Variants in EDEM3 observed in about 807,000 individuals in gnomAD.
EDEM3 encodes ER degradation enhancing alpha-mannosidase like protein 3.
Under a neutral mutation model 110.2 loss-of-function variants are expected in EDEM3, and 60 were observed. That is an observed-to-expected ratio of 0.54 (90% CI 0.44 to 0.67). EDEM3 has a LOEUF of 0.67. Among genes scored for constraint, EDEM3 ranks in the 30% least tolerant of loss-of-function variants. The pLI is 0.00. For missense variants in EDEM3, 996 were observed against 1,121.0 expected, an observed-to-expected ratio of 0.89 and a Z score of 1.59; for synonymous variants, 352 against 382.9, an observed-to-expected ratio of 0.92 and a Z score of 0.94.
rs543884046 is a variant in EDEM3 at position 184,693,929 on chromosome 1, C to G, written c.*134G>C. 2.3e-4 allele frequency: 195 copies of G among 864,336 alleles called. 3 individuals are homozygous for G. The South Asian group carries it at 3.4e-3, about 15-fold the overall frequency. The allele number at this position is 864,336 out of a possible 1,614,324, so 53.5% of individuals were successfully genotyped here. Reference sequence around the variant, plus strand: ...GCTCCAGATTCCTACGATAACTACGCCAGTCAGAACGTGGTTGTTCATCAC... The same window carrying G: ...GCTCCAGATTCCTACGATAACTACGGCAGTCAGAACGTGGTTGTTCATCAC... On this transcript the variant is annotated 3_prime_UTR_variant, in exon 20 of 20. Coordinates refer to ENST00000318130, the MANE Select transcript of EDEM3 (RefSeq NM_025191.4).
At position 184,702,817 on chromosome 1, in the gene EDEM3, C is replaced by A; in HGVS notation, c.2383G>T (p.Asp795Tyr). The change falls in exon 19 of 20, where the codon GAT becomes TAT. Residue 795 changes from aspartate to tyrosine, a missense_variant. This residue lies in a region of EDEM3 where 345 missense variants were observed against 402.0 expected (regional missense o/e 0.86). Transcript: ENST00000318130. ...VEVLLSDKAK[D>Y]RDPEMENEEQ... ...AATGGTATTTTACTCTTACCTCGATCTTTTGCTTTATCAGAGAGGAGCACT... is the reference window on the plus strand; with the variant it reads ...AATGGTATTTTACTCTTACCTCGATATTTTGCTTTATCAGAGAGGAGCACT... 1 of 1,591,916 alleles carries A rather than the reference C, an allele frequency of 6.3e-7. No homozygotes were observed. The highest frequency in any genetic ancestry group is 8.5e-7 in the Non-Finnish European group (1 of 1,171,196).
intron 18 of EDEM3, among the ~76,000 whole-genome samples, chr1:184,703,941 G>C (rs1649770161): frequency 1.3e-5 from 2 of 152,182 alleles, no homozygotes; most frequent in Admixed American, 1.3e-4. Context: ...CAAAGAGAGA[G>C]AAGGCTGGTG....
intron 19 of EDEM3, among the ~76,000 whole-genome samples, chr1:184,694,689 T>G (rs1420416348): frequency 1.3e-5 from 2 of 151,968 alleles, no homozygotes; most frequent in Admixed American, 1.3e-4. Context: ...TGTTAGAAAA[T>G]AAACGTTCTT....
intron 4 of EDEM3, among the ~76,000 whole-genome samples, chr1:184,736,069 TA>T (rs1298545977): frequency 6.6e-6 from 1 of 152,184 alleles, no homozygotes; most frequent in East Asian, 1.9e-4. Context: ...CCTGACTAGC[TA>T]AAAAGATCTA....
intron 2 of EDEM3, among the ~76,000 whole-genome samples, chr1:184,743,896 T>C (rs564079443): frequency 6.6e-6 from 1 of 151,850 alleles, no homozygotes; most frequent in African/African-American, 2.4e-5. Context: ...AAAAAATATA[T>C]AAATCCACCT....
At position 184,710,401 on chromosome 1, in the gene EDEM3, G is replaced by A. The variant is rs371763731; in HGVS notation, c.1838C>T (p.Ala613Val). 4.9e-5 allele frequency: 79 copies of A among 1,613,602 alleles called. No individual in the cohort carries two copies. Among genetic ancestry groups the A allele is most frequent in the Non-Finnish European group, 6.4e-5 (76 of 1,179,794 alleles). Residue 613 changes from alanine (A) to valine (V), a missense_variant, in exon 16 of 20, where the codon GCA becomes GTA. By Grantham distance (64) the Ala-to-Val change is moderately conservative. This residue lies in a region of EDEM3 where 345 missense variants were observed against 402.0 expected (regional missense o/e 0.86). Transcript: ENST00000318130. ...AGTGTAGCAATGTCTTACTTGGATTGCATGTTGGACCAACTGGACTCTCCC... is the reference window on the plus strand; with the variant it reads ...AGTGTAGCAATGTCTTACTTGGATTACATGTTGGACCAACTGGACTCTCCC... ...KDGRVQLVQH[A>V]IQAASSIDAE... is the part of the protein sequence containing the mutation.
chr1:184,701,436 AC>A, intron 19 of EDEM3: 2 of 1,053,416 alleles, frequency 1.9e-6, no homozygotes, highest in South Asian at 3.2e-5. Context: ...GAGTGTGTGT[AC>A]ACACACCCAA....
rs372548911 is a variant in EDEM3, at chr1:184,716,991, G to C, written c.1267C>G (p.Leu423Val). 18 of 1,611,624 alleles carry C rather than the reference G, an allele frequency of 1.1e-5. No individual in the cohort carries two copies. The highest frequency in any genetic ancestry group is 1.5e-5 in the Non-Finnish European group (18 of 1,178,146). The change falls in exon 13 of 20, where the codon CTT becomes GTT. Residue 423 changes from leucine (L) to valine (V), a missense_variant. Leu to Val is a conservative substitution (Grantham distance 32). Coordinates refer to ENST00000318130, the MANE Select transcript of EDEM3 (RefSeq NM_025191.4). ...TCAATAAGTGTCTTCCCTACTTCAA[G>C]GTAGTAAGGATCTCCTGTAGCCTAT... ...LYKATGDPYY[L>V]EVGKTLIENL... is the part of the protein sequence containing the mutation.
At chr1:184,750,789 A>G (rs1279754474) in intron 1 of EDEM3, among the ~76,000 whole-genome samples, 4 of 152,200 alleles carry the variant, frequency 2.6e-5, no homozygotes, top group Non-Finnish European at 5.9e-5. Context: ...CTGGGATTAC[A>G]GGTGTGAGTT....
chr1:184,705,913 T>C (rs1649897579), intron 18 of EDEM3, among the ~76,000 whole-genome samples: 1 of 152,142 alleles, frequency 6.6e-6, no homozygotes, highest in Non-Finnish European at 1.5e-5. Context: ...AACCCACTAG[T>C]TGATACATAT....
intron 6 of EDEM3, among the ~76,000 whole-genome samples, chr1:184,732,340 G>C (rs1160762087): frequency 6.6e-6 from 1 of 151,270 alleles, no homozygotes; most frequent in East Asian, 2.1e-4. Flanking sequence ...TGGGGAATAG[G>C]GAGGGGATGG....
intron 1 of EDEM3, among the ~76,000 whole-genome samples, chr1:184,751,389 T>C (rs755506115): frequency 6.6e-6 from 1 of 152,112 alleles, no homozygotes; most frequent in Non-Finnish European, 1.5e-5. Flanking sequence ...TAGACATGTA[T>C]ATTACAAATG....
chr1:184,703,019 A>T (rs1210248207), intron 18 of EDEM3, 23 bp from the exon 19 acceptor site: 1 of 1,551,348 alleles, frequency 6.4e-7, no homozygotes, highest in East Asian at 2.4e-5. Context: ...TAAATACAGC[A>T]AACATCAAAA....
intron 19 of EDEM3, among the ~76,000 whole-genome samples, chr1:184,701,308 G>A (rs1649607067): frequency 6.6e-6 from 1 of 152,018 alleles, no homozygotes; most frequent in Non-Finnish European, 1.5e-5. Flanking sequence ...TGTATGGGAT[G>A]TATAATTATT....
intron 14 of EDEM3, 120 bp from the exon 15 acceptor site, chr1:184,711,997 G>A: frequency 1.4e-6 from 1 of 719,308 alleles, no homozygotes; most frequent in East Asian, 3.1e-5. Flanking sequence ...CGTAATCTCT[G>A]CTCACTGTAA....
chr1:184,737,790 G>A (rs958774198), intron 2 of EDEM3, 79 bp from the exon 3 acceptor site: 2 of 1,231,116 alleles, frequency 1.6e-6, no homozygotes, highest in Non-Finnish European at 2.3e-6. Flanking sequence ...CTTTTTCACA[G>A]TTAAAAAATA....
At position 184,716,017 on chromosome 1, in the gene EDEM3, A is replaced by G. The variant is rs150507424; in HGVS notation, c.1370+871T>C. 1.1e-3 allele frequency among the ~76,000 whole-genome samples: 164 copies of G among 152,224 alleles called. 1 individual carries two copies. The highest frequency in any genetic ancestry group is 3.9e-3 in the African/African-American group (163 of 41,548). On this transcript the variant is annotated intron_variant, in intron 13 of 19. Coordinates refer to ENST00000318130, the MANE Select transcript of EDEM3 (RefSeq NM_025191.4). Reference sequence around the variant, plus strand: ...ACTTCTTTTACATCTTTCTTCTTCTAATTCTTGGTTATCCTTCAGGACATA... The same window carrying G: ...ACTTCTTTTACATCTTTCTTCTTCTGATTCTTGGTTATCCTTCAGGACATA...
At chr1:184,719,649 T>A (rs1012207456) in intron 9 of EDEM3, 81 bp from the exon 10 acceptor site, 9 of 1,330,766 alleles carry the variant, frequency 6.8e-6, no homozygotes, top group Non-Finnish European at 9.1e-6. Context: ...GCACTGTGAA[T>A]AAATTAAACT....
intron 5 of EDEM3, among the ~76,000 whole-genome samples, chr1:184,733,754 G>A (rs1651666701): frequency 6.6e-6 from 1 of 151,822 alleles, no homozygotes; most frequent in African/African-American, 2.4e-5. Flanking sequence ...CTTGAACCAG[G>A]GAGTCAGAGG....
Sources: allele counts gnomAD v4.1 joint callset (sites outside exome capture counted in the v4.1 genomes callset), GRCh38; gene constraint gnomAD v4.1.1; regional missense constraint gnomAD v4.1.1; transcripts MANE v1.5; gene names NCBI Gene and HGNC (gene_info 2026-07-23, HGNC 2026-07-21).